FAM168A: variants seen among roughly 807,000 people sequenced by gnomAD.
The protein encoded by FAM168A is protein FAM168A.
In FAM168A, 3 loss-of-function variants were observed where a neutral mutation model predicts 28.5. That is an observed-to-expected ratio of 0.11 (90% CI 0.05 to 0.27). The LOEUF is 0.27. Ranked by LOEUF, FAM168A falls within the 10% of genes least tolerant of loss-of-function variation. The pLI, the probability that FAM168A is intolerant of heterozygous loss-of-function variation, is 1.00. For synonymous variants in FAM168A, 122 were observed against 124.2 expected (o/e 0.98, Z 0.12); for missense variants, 222 against 311.5 (o/e 0.71, Z 2.16).
At chr11:73,548,734 G>C (rs1943789893) in intron 1 of FAM168A, among the ~76,000 whole-genome samples, 1 of 152,032 alleles carries the variant, frequency 6.6e-6, no homozygotes, top group Non-Finnish European at 1.5e-5. Flanking sequence ...TTGACTTCCT[G>C]GGCTCAAGTG....
chr11:73,433,050 T>C (rs1867023534), intron 2 of FAM168A, among the ~76,000 whole-genome samples: 1 of 145,858 alleles, frequency 6.9e-6, no homozygotes, highest in African/African-American at 2.5e-5. Context: ...TAGCTAGGCC[T>C]ACAGGTGCGT....
intron 1 of FAM168A, among the ~76,000 whole-genome samples, chr11:73,512,931 T>TA (rs1855252699): frequency 6.6e-6 from 1 of 152,160 alleles, no homozygotes. Flanking sequence ...AGGCATTCAG[T>TA]ATAAAACATG....
At chr11:73,496,524 T>C (rs1312642252) in intron 1 of FAM168A, among the ~76,000 whole-genome samples, 3 of 152,184 alleles carry the variant, frequency 2.0e-5, no homozygotes, top group African/African-American at 4.8e-5. Flanking sequence ...ATAGTTAAGA[T>C]GGTAAATTTT....
At chr11:73,556,073 T>A (rs1313808061) in intron 1 of FAM168A, among the ~76,000 whole-genome samples, 2 of 152,140 alleles carry the variant, frequency 1.3e-5, no homozygotes, top group Non-Finnish European at 2.9e-5. Context: ...GGGCTGGGTA[T>A]AGTGGCTCAC....
At chr11:73,511,494 C>T (rs11235785) in intron 1 of FAM168A, among the ~76,000 whole-genome samples, 4,523 of 151,174 alleles carry the variant, frequency 0.03, 222 homozygotes, top group African/African-American at 0.11. Context: ...ACCTTGGCTT[C>T]CCAAAGTGCT....
At chr11:73,484,516 A>ATCTATATCTATACATC in intron 1 of FAM168A, among the ~76,000 whole-genome samples, 1 of 141,858 alleles carries the variant, frequency 7.0e-6, no homozygotes, top group East Asian at 2.0e-4. Flanking sequence ...AGATATATAT[A>ATCTATATCTATACATC]GATATATATA....
At chr11:73,493,489 C>G (rs960699846) in intron 1 of FAM168A, among the ~76,000 whole-genome samples, 1 of 152,148 alleles carries the variant, frequency 6.6e-6, no homozygotes, top group Non-Finnish European at 1.5e-5. Flanking sequence ...CTCAGCTCAC[C>G]GCAACCTCTG....
At chr11:73,470,686 T>C (rs1227488525) in intron 1 of FAM168A, among the ~76,000 whole-genome samples, 1 of 152,172 alleles carries the variant, frequency 6.6e-6, no homozygotes, top group African/African-American at 2.4e-5. Context: ...ATGCTTGTAC[T>C]CTGATATTGG....
At position 73,447,366 on chromosome 11, in the gene FAM168A, T is replaced by C. The variant is rs144912568; in HGVS notation, c.71-16596A>G. Reference sequence around the variant, plus strand: ...GAATTTAAGACCAATCTGGGCAACATAGCAAGACCTCATCTCTACCAAAAA... The same window carrying C: ...GAATTTAAGACCAATCTGGGCAACACAGCAAGACCTCATCTCTACCAAAAA... On this transcript the variant is annotated intron_variant, in intron 2 of 7. Transcript: ENST00000356467. Among the ~76,000 whole-genome samples the C allele has an allele frequency of 4.0e-4, 60 of 151,588 alleles. 1 individual carries two copies. Among genetic ancestry groups the C allele is most frequent in the African/African-American group, 1.4e-3 (59 of 41,274 alleles).
At chr11:73,523,191 C>G (rs1329582324) in intron 1 of FAM168A, among the ~76,000 whole-genome samples, 5 of 152,162 alleles carry the variant, frequency 3.3e-5, no homozygotes, top group African/African-American at 9.7e-5. Flanking sequence ...ACTGGAGTTT[C>G]AGCTTCTCTA....
At chr11:73,590,946 C>T (rs899621084) in intron 1 of FAM168A, among the ~76,000 whole-genome samples, 1 of 152,140 alleles carries the variant, frequency 6.6e-6, no homozygotes, top group Non-Finnish European at 1.5e-5. Context: ...GGTTCAAGAC[C>T]AGCCTGGCCA....
At chr11:73,440,149 G>T (rs1867168063) in intron 2 of FAM168A, among the ~76,000 whole-genome samples, 1 of 152,126 alleles carries the variant, frequency 6.6e-6, no homozygotes, top group Admixed American at 6.5e-5. Context: ...ACCTCCCAAA[G>T]TGCTGGGATT....
intron 1 of FAM168A, among the ~76,000 whole-genome samples, chr11:73,514,418 T>C (rs7105824): frequency 0.083 from 12,597 of 152,250 alleles, 1,584 homozygotes; most frequent in African/African-American, 0.27. Flanking sequence ...AGAAAGGACA[T>C]ACATAGTGTT....
At chr11:73,571,299 G>C (rs1004147279) in intron 1 of FAM168A, among the ~76,000 whole-genome samples, 5 of 133,698 alleles carry the variant, frequency 3.7e-5, no homozygotes, top group Non-Finnish European at 7.8e-5. Context: ...ATGCCGAGCC[G>C]AAGCTGGACT....
chr11:73,432,839 C>T (rs182219695), intron 2 of FAM168A, among the ~76,000 whole-genome samples: 9 of 152,164 alleles, frequency 5.9e-5, no homozygotes, highest in African/African-American at 1.7e-4. Context: ...GCCGAGATGA[C>T]GCCACTGCAC....
At chr11:73,501,565 T>A (rs371303252) in intron 1 of FAM168A, among the ~76,000 whole-genome samples, 3 of 152,138 alleles carry the variant, frequency 2.0e-5, no homozygotes, top group Non-Finnish European at 4.4e-5. Flanking sequence ...TTCATGGAAA[T>A]TGAACAACCT....
rs1056047217 is a variant in FAM168A, at chr11:73,539,721, T to C, written c.-19+58202A>G. Among the ~76,000 whole-genome samples the C allele has an allele frequency of 4.1e-4, 62 of 152,236 alleles. 1 individual carries two copies. The highest frequency in any genetic ancestry group is 7.6e-4 in the Non-Finnish European group (52 of 68,042). ...CATCTGTGCTAGATGCTTCATTAAGTGTAAAGCTGATACTGTACTTTGTTA... is the reference window on the plus strand; with the variant it reads ...CATCTGTGCTAGATGCTTCATTAAGCGTAAAGCTGATACTGTACTTTGTTA... On this transcript the variant is annotated intron_variant, in intron 1 of 7. Transcript: ENST00000356467.
chr11:73,571,558 C>T (rs1308888083), intron 1 of FAM168A, among the ~76,000 whole-genome samples: 2 of 152,046 alleles, frequency 1.3e-5, no homozygotes, highest in East Asian at 3.9e-4. Context: ...CTCAATGGTG[C>T]CCAGGCTGGA....
chr11:73,450,106 G>T (rs1867399511), intron 2 of FAM168A, among the ~76,000 whole-genome samples: 1 of 152,208 alleles, frequency 6.6e-6, no homozygotes, highest in Non-Finnish European at 1.5e-5. Context: ...TATCCTGCTG[G>T]AAACTGGCTT....
Sources: gnomAD v4.1 joint callset for allele counts (sites outside exome capture counted in the v4.1 genomes callset) on GRCh38, gnomAD v4.1.1 for gene constraint, MANE v1.5 for transcripts, NCBI Gene and HGNC (gene_info 2026-07-23, HGNC 2026-07-21) for gene names.